The following TPPP variants were observed in gnomAD, a reference collection of about 807,000 sequenced individuals.
The protein encoded by TPPP is tubulin polymerization-promoting protein.
A neutral mutation model predicts 15.5 loss-of-function variants in TPPP; 6 were observed. That is an observed-to-expected ratio of 0.39 (90% CI 0.21 to 0.77). The LOEUF (loss-of-function observed/expected upper bound fraction) is 0.77, where lower values mean the gene tolerates loss of function less well. Ranked by LOEUF, TPPP falls within the 30% of genes least tolerant of loss-of-function variation. The probability of loss-of-function intolerance (pLI) is 0.42; values close to 1 mark genes in which losing one functional copy is unlikely to be tolerated. For synonymous variants in TPPP, 146 were observed against 133.9 expected (o/e 1.09, Z -0.63); for missense variants, 269 against 307.2 (o/e 0.88, Z 0.93).
chr5:666,079 G>T lies in TPPP; in HGVS notation c.356C>A (p.Ala119Glu). The T allele has an allele frequency of 6.2e-7, 1 of 1,612,124 alleles. No homozygotes were observed. The highest frequency in any genetic ancestry group is 1.7e-5 in the Admixed American group (1 of 59,978). The change falls in exon 3 of 4, where the codon GCG becomes GAG. Residue 119 changes from alanine (A) to glutamate (E), a missense_variant. Transcript: ENST00000360578. ...TCGCTTCTTGGCGAGCTCCTCCAGC[G>T]CCTCCTGGAACTGCTCAAAGGTGAT... ...RTITFEQFQE[A>E]LEELAKKRFK... is the part of the protein sequence containing the mutation.
At chr5:666,184 G>T (rs1411259984) in intron 2 of TPPP, 61 bp from the exon 3 acceptor site, 21 of 1,577,136 alleles carry the variant, frequency 1.3e-5, no homozygotes, top group Non-Finnish European at 1.7e-5. Flanking sequence ...CCCTCCCCAC[G>T]CGTGGGTCTG....
rs546155932 is a variant in TPPP at position 680,542 on chromosome 5, C to T, written c.-4-2478G>A. 1.0e-4 allele frequency among the ~76,000 whole-genome samples: 15 copies of T among 147,278 alleles called. No homozygotes were observed. The East Asian group carries it at 3.0e-3, about 30-fold the overall frequency. ...GATGCAGGAACCCATGGCCGTCACA[C>T]GGGAGTGAGTCCACGGGCGCTTGGG... On this transcript the variant is annotated intron_variant, in intron 1 of 3. Transcript: ENST00000360578.
chr5:674,834 G>A (rs1044592495), intron 2 of TPPP, among the ~76,000 whole-genome samples: 3 of 151,722 alleles, frequency 2.0e-5, no homozygotes, highest in Non-Finnish European at 2.9e-5. Flanking sequence ...CATAAGCCCT[G>A]TGGATGATGT....
In TPPP at chr5:691,546, ACCCCATCAAAACAGCAGCCCCCCAAC is replaced by A. The variant is rs1273550395; in HGVS notation, c.-5+1706_-5+1731del. 2.1e-3 allele frequency among the ~76,000 whole-genome samples: 206 copies of A among 99,202 alleles called. 1 individual carries two copies. The highest frequency in any genetic ancestry group is 8.0e-3 in the African/African-American group (195 of 24,444). 65.1% of individuals were successfully genotyped at this position (99,202 alleles called of 152,430 possible). ...CGGTGACACTGAGAGGGAACGCAAC[ACCCCATCAAAACAGCAGCCCCCCAAC>A]CCCCATCAAAACAATAGCCCCCAAC... On this transcript the variant is annotated intron_variant, in intron 1 of 3. Transcript: ENST00000360578.
chr5:677,775 C>T lies in TPPP; in HGVS notation c.286G>A (p.Val96Met). ...TTGATCTTGCTGAAGACGATGTCCA[C>T]GTCAGTGACGGTCACGTTCCTGCCG... The part of the protein sequence containing the change: ...IDGRNVTVTD[V>M]DIVFSKIKGK... Residue 96 changes from valine to methionine, a missense_variant, in exon 2 of 4, where the codon GTG becomes ATG. By Grantham distance (21) the Val-to-Met change is conservative. Transcript: ENST00000360578. 2 of 1,585,574 alleles carry T rather than the reference C, an allele frequency of 1.3e-6. No individual in the cohort carries two copies. Among genetic ancestry groups the T allele is most frequent in the Non-Finnish European group, 1.7e-6 (2 of 1,163,254 alleles).
upstream of TPPP, among the ~76,000 whole-genome samples, chr5:697,771 T>C (rs1400608465): frequency 3.3e-5 from 5 of 151,284 alleles, no homozygotes; most frequent in Non-Finnish European, 3.0e-5. Context: ...GAAGAACTAA[T>C]ACCAATCCTT....
chr5:666,988 G>A (rs935885317), intron 2 of TPPP: 3 of 152,196 alleles, frequency 2.0e-5, no homozygotes, highest in African/African-American at 7.2e-5. Flanking sequence ...GCGCGAGAAA[G>A]GCTGCACCCA....
intron 2 of TPPP, among the ~76,000 whole-genome samples, chr5:669,920 G>A (rs111645682): frequency 1.3e-5 from 2 of 152,292 alleles, no homozygotes; most frequent in African/African-American, 4.8e-5. Flanking sequence ...GTCCTCCAGA[G>A]ACCAGGGTGC....
intron 1 of TPPP, among the ~76,000 whole-genome samples, chr5:685,476 AGG>A: frequency 6.6e-6 from 1 of 152,328 alleles, no homozygotes; most frequent in East Asian, 1.9e-4. Flanking sequence ...AGACCTGGGC[AGG>A]ACAGGGCAGG....
chr5:665,171 G>A lies in TPPP; in HGVS notation c.591C>T (p.Asp197=), dbSNP rs138152607. 3.0e-5 allele frequency: 48 copies of A among 1,613,652 alleles called. No homozygotes were observed. The highest frequency in any genetic ancestry group is 6.7e-5 in the East Asian group (3 of 44,878). ...KGKAGRVDLV[D]ESGYVSGYKH... ...TGTAGCCGGACACATAGCCTGACTC[G>A]TCCACCAGATCCACGCGGCCAGCCT... The change falls in exon 4 of 4, where the codon GAC becomes GAT. Residue 197 remains aspartate (D), a synonymous_variant. Coordinates refer to ENST00000360578, the MANE Select transcript of TPPP (RefSeq NM_007030.3).
At chr5:672,160 C>T (rs946371324) in intron 2 of TPPP, among the ~76,000 whole-genome samples, 1 of 152,204 alleles carries the variant, frequency 6.6e-6, no homozygotes, top group African/African-American at 2.4e-5. Flanking sequence ...ACAAAGTGTC[C>T]TACCGGCCCT....
rs1740497443 is a variant in TPPP, at chr5:677,751, T to C, written c.310A>G (p.Lys104Glu). 6.4e-7 allele frequency: 1 copy of C among 1,558,790 alleles called. No homozygotes were observed. The highest frequency in any genetic ancestry group is 8.7e-7 in the Non-Finnish European group (1 of 1,150,290). ...GGCCCGTGAGCCCAGCGCACTCACT[T>C]GATCTTGCTGAAGACGATGTCCACG... The part of the protein sequence containing the change: ...TDVDIVFSKI[K>E]GKSCRTITFE... Residue 104 changes from lysine (K) to glutamate (E), a missense_variant and splice_region_variant, in exon 2 of 4, where the codon AAA (lysine) becomes GAA (glutamate). Transcript: ENST00000360578.
chr5:672,914 G>A (rs748349636), intron 2 of TPPP, among the ~76,000 whole-genome samples: 5 of 152,336 alleles, frequency 3.3e-5, no homozygotes, highest in East Asian at 1.9e-4. Context: ...ACAAACAAGC[G>A]CTGCCATGGC....
At chr5:686,952 C>T (rs1312137772) in intron 1 of TPPP, among the ~76,000 whole-genome samples, 3 of 141,914 alleles carry the variant, frequency 2.1e-5, no homozygotes, top group Non-Finnish European at 4.8e-5. Context: ...TTGTCGGACG[C>T]CAAGCCTGCA....
At chr5:692,666 C>T in intron 1 of TPPP, 1 of 983,214 alleles carries the variant, frequency 1.0e-6, no homozygotes, top group Non-Finnish European at 1.2e-6. Context: ...AGCGCCTCTC[C>T]ATCGCCACAG....
intron 1 of TPPP, among the ~76,000 whole-genome samples, chr5:682,912 G>A (rs1281582356): frequency 2.6e-5 from 4 of 152,180 alleles, no homozygotes; most frequent in Non-Finnish European, 4.4e-5. Context: ...GTCAGTGGGA[G>A]CTACCACCCC....
chr5:666,242 A>C, intron 2 of TPPP, 119 bp from the exon 3 acceptor site: 1 of 1,186,068 alleles, frequency 8.4e-7, no homozygotes, highest in Non-Finnish European at 1.2e-6. Flanking sequence ...CTTCACCCAC[A>C]GGCGGCCGCC....
chr5:680,902 C>G (rs1740603221), intron 1 of TPPP, among the ~76,000 whole-genome samples: 1 of 152,238 alleles, frequency 6.6e-6, no homozygotes, highest in South Asian at 2.1e-4. Context: ...GTCAGCCAGG[C>G]TGCTGCTGGG....
Position 666,925 on chromosome 5 carries a change from G to A in TPPP, c.312-802C>T, listed in dbSNP as rs537899942. 2.6e-5 allele frequency: 4 copies of A among 152,336 alleles called. No homozygotes were observed. In the East Asian group the frequency reaches 5.8e-4, roughly 22 times the overall value. The allele number at this position is 152,336 out of a possible 1,614,324, so 9.4% of individuals were successfully genotyped here. A position where few individuals can be genotyped will look rare whatever the true frequency, so the allele number is the denominator to read the frequency against. ...GTTTAAAACAAGAGATCCTGTGGATGAGGCTCAGCTCTGCAAAAGGCACCT... is the reference window on the plus strand; with the variant it reads ...GTTTAAAACAAGAGATCCTGTGGATAAGGCTCAGCTCTGCAAAAGGCACCT... On this transcript the variant is annotated intron_variant, in intron 2 of 3. Coordinates refer to ENST00000360578, the MANE Select transcript of TPPP (RefSeq NM_007030.3).
Sources: allele counts gnomAD v4.1 joint callset (sites outside exome capture counted in the v4.1 genomes callset), GRCh38; gene constraint gnomAD v4.1.1; transcripts MANE v1.5; gene names NCBI Gene and HGNC (gene_info 2026-07-23, HGNC 2026-07-21).